Variants in LIMCH1 observed in about 807,000 individuals in gnomAD.
LIMCH1 encodes LIM and calponin homology domains 1.
LIMCH1 carries 113 observed loss-of-function variants against 176.5 expected under a neutral mutation model. The observed-to-expected ratio is 0.64, with a 90% CI of 0.55 to 0.75. The LOEUF (loss-of-function observed/expected upper bound fraction) is 0.75. LIMCH1 is among the 30% of genes least tolerant of loss of function. LIMCH1 has a pLI of 0.00. For missense variants in LIMCH1, 1,674 were observed against 1,814.9 expected (o/e 0.92, Z 1.41); for synonymous variants, 619 against 645.9 (o/e 0.96, Z 0.63).
intron 1 of LIMCH1, among the ~76,000 whole-genome samples, chr4:41,470,859 A>G (rs955441630): frequency 6.6e-6 from 1 of 151,260 alleles, no homozygotes; most frequent in Non-Finnish European, 1.5e-5. Context: ...TTCTGTCTCT[A>G]TTGTCTAGGG....
chr4:41,385,310 GCCT>G (rs1184809724), intron 1 of LIMCH1, among the ~76,000 whole-genome samples: 1 of 152,184 alleles, frequency 6.6e-6, no homozygotes, highest in Non-Finnish European at 1.5e-5. Context: ...GAGCAAGTGA[GCCT>G]CCTCTTTTTA....
intron 1 of LIMCH1, among the ~76,000 whole-genome samples, chr4:41,368,032 T>C (rs1273187543): frequency 6.6e-6 from 1 of 152,204 alleles, no homozygotes. Context: ...GTTATATTTA[T>C]TGCAATGAGT....
chr4:41,626,341 G>A (rs1375124676), intron 7 of LIMCH1, among the ~76,000 whole-genome samples: 1 of 152,014 alleles, frequency 6.6e-6, no homozygotes, highest in Non-Finnish European at 1.5e-5. Context: ...CAAATTAAGT[G>A]TCTACTGGGT....
intron 6 of LIMCH1, 72 bp from the exon 7 acceptor site, chr4:41,620,351 CG>C (rs2092468170): frequency 7.5e-7 from 1 of 1,332,412 alleles, no homozygotes; most frequent in South Asian, 1.4e-5. Flanking sequence ...ATCAGAATAG[CG>C]GGGAGATGAC....
intron 23 of LIMCH1, among the ~76,000 whole-genome samples, chr4:41,678,327 T>C (rs1268021589): frequency 6.6e-6 from 1 of 152,174 alleles, no homozygotes; most frequent in African/African-American, 2.4e-5. Context: ...AGTGTGGTTT[T>C]GGCTCTGCCT....
intron 1 of LIMCH1, among the ~76,000 whole-genome samples, chr4:41,481,335 C>T (rs556938500): frequency 6.6e-5 from 10 of 152,242 alleles, no homozygotes; most frequent in South Asian, 2.1e-4. Flanking sequence ...CATGGTGGGG[C>T]GGTGAAGCCC....
rs184773344 is a variant in LIMCH1 at position 41,402,775 on chromosome 4, A to G, written c.96+41839A>G. 1.3e-3 allele frequency among the ~76,000 whole-genome samples: 187 copies of G among 143,716 alleles called. 1 individual carries two copies. In the East Asian group the frequency reaches 0.029, roughly 23 times the overall value. The allele number at this position is 143,716 out of a possible 152,430, so 94.3% of individuals were successfully genotyped here. A position where few individuals can be genotyped will look rare whatever the true frequency, so the allele number is the denominator to read the frequency against. ...CTCACTCATAGATGAGAATTGAACAATGAGAACACATGGACACAGGAAGGG... is the reference window on the plus strand; with the variant it reads ...CTCACTCATAGATGAGAATTGAACAGTGAGAACACATGGACACAGGAAGGG... On this transcript the variant is annotated intron_variant, in intron 1 of 26. Coordinates refer to the LIMCH1 transcript ENST00000313860.
rs532143699 is a variant in LIMCH1 at position 41,515,636 on chromosome 4, G to A, written c.168-8773G>A. ...CAAGCTATGACTAGCAGGTATTTTT[G>A]TCACCATTTGAAAGAGGAGGAAACT... On this transcript the variant is annotated intron_variant, in intron 2 of 26. Transcript: ENST00000313860. Among the ~76,000 whole-genome samples the A allele has an allele frequency of 3.9e-5, 6 of 152,288 alleles. No homozygotes were observed. In the South Asian group the frequency reaches 1.2e-3, roughly 32 times the overall value.
At chr4:41,477,146 G>C (rs567094263) in intron 1 of LIMCH1, among the ~76,000 whole-genome samples, 1 of 152,282 alleles carries the variant, frequency 6.6e-6, no homozygotes. Flanking sequence ...CCACCTGCTA[G>C]CTATAGGAAA....
intron 1 of LIMCH1, among the ~76,000 whole-genome samples, chr4:41,558,821 T>C (rs1476421746): frequency 6.6e-6 from 1 of 152,206 alleles, no homozygotes; most frequent in Non-Finnish European, 1.5e-5. Flanking sequence ...AATGATTGGA[T>C]TGATGCTATA....
chr4:41,490,200 C>A (rs1447489367), intron 1 of LIMCH1, among the ~76,000 whole-genome samples: 1 of 151,786 alleles, frequency 6.6e-6, no homozygotes, highest in Non-Finnish European at 1.5e-5. Context: ...TAAGTGGACC[C>A]ACACAGTTCA....
Position 41,552,376 on chromosome 4 carries a change from C to T in LIMCH1, c.-241+14026C>T, listed in dbSNP as rs56857767. 6.5e-3 allele frequency among the ~76,000 whole-genome samples: 983 copies of T among 152,252 alleles called. 13 individuals carry two copies. The highest frequency in any genetic ancestry group is 0.022 in the African/African-American group (921 of 41,548). On this transcript the variant is annotated intron_variant, in intron 1 of 31. Transcript: ENST00000503057. ...GGTGCATCCTTTATATCTCCATATA[C>T]TGATCTTTAAAACATGGCATGTGCC...
At chr4:41,591,688 A>G (rs1360768638) in intron 1 of LIMCH1, among the ~76,000 whole-genome samples, 1 of 152,210 alleles carries the variant, frequency 6.6e-6, no homozygotes, top group African/African-American at 2.4e-5. Context: ...GATGCTTTAT[A>G]TGTATATATT....
At chr4:41,417,070 G>T (rs1452224800) in intron 1 of LIMCH1, among the ~76,000 whole-genome samples, 3 of 152,036 alleles carry the variant, frequency 2.0e-5, no homozygotes, top group Admixed American at 6.5e-5. Context: ...TTTATGAGGG[G>T]TTATCTGTGC....
chr4:41,660,779 A>G (rs2094591382), intron 18 of LIMCH1, among the ~76,000 whole-genome samples: 1 of 152,194 alleles, frequency 6.6e-6, no homozygotes. Flanking sequence ...AATAATTGAT[A>G]TATTTGAGGG....
intron 21 of LIMCH1, among the ~76,000 whole-genome samples, chr4:41,667,968 CAAA>C (rs11315408): frequency 7.1e-6 from 1 of 140,188 alleles, no homozygotes. Context: ...TTGTCGCTAC[CAAA>C]AAAAAAAAAA....
intron 1 of LIMCH1, among the ~76,000 whole-genome samples, chr4:41,487,653 CTTTTTTTTTTTTT>C (rs149754932): frequency 6.5e-5 from 7 of 108,148 alleles, no homozygotes; most frequent in Non-Finnish European, 1.3e-4. Flanking sequence ...TTTTTATATT[CTTTTTTTTTTTTT>C]TTTTTTTTTT....
intron 8 of LIMCH1, among the ~76,000 whole-genome samples, chr4:41,628,380 A>G (rs1384854078): frequency 6.6e-6 from 1 of 151,608 alleles, no homozygotes; most frequent in Non-Finnish European, 1.5e-5. Flanking sequence ...GGTCTGAAGC[A>G]GCCCTTGACC....
At chr4:41,377,740 C>G (rs761084718) in intron 1 of LIMCH1, among the ~76,000 whole-genome samples, 11 of 152,156 alleles carry the variant, frequency 7.2e-5, no homozygotes, top group Middle Eastern at 3.2e-3. Context: ...CTAGTGGAGA[C>G]GCTGCAGAAT....
Sources: allele counts gnomAD v4.1 joint callset (sites outside exome capture counted in the v4.1 genomes callset), GRCh38; gene constraint gnomAD v4.1.1; transcripts MANE v1.5; gene names NCBI Gene and HGNC (gene_info 2026-07-23, HGNC 2026-07-21).